PRDM1: variants seen among roughly 807,000 people sequenced by gnomAD.
PRDM1 encodes the protein PR/SET domain 1.
PRDM1 carries 13 observed loss-of-function variants against 62.8 expected under a neutral mutation model. The ratio of observed to expected loss-of-function variants is 0.21; its 90% CI spans 0.13 to 0.33. The LOEUF (loss-of-function observed/expected upper bound fraction) is 0.33. PRDM1 is among the 10% of genes least tolerant of loss of function. PRDM1 has a pLI of 1.00. For missense variants in PRDM1, 895 were observed against 1,058.8 expected (o/e 0.85, Z 2.15); for synonymous variants, 396 against 417.6 (o/e 0.95, Z 0.63).
chr6:106,031,590 G>A (rs1772845195), intron 1 of PRDM1, among the ~76,000 whole-genome samples: 1 of 152,208 alleles, frequency 6.6e-6, no homozygotes, highest in Non-Finnish European at 1.5e-5. Context: ...GAGGATGAAA[G>A]TTTGAAATTG....
intron 2 of PRDM1, among the ~76,000 whole-genome samples, chr6:106,091,083 T>C (rs1261191411): frequency 6.6e-6 from 1 of 152,092 alleles, no homozygotes; most frequent in Non-Finnish European, 1.5e-5. Flanking sequence ...TTTATGGGGG[T>C]TTTCCCCTTG....
intron 1 of PRDM1, among the ~76,000 whole-genome samples, chr6:106,000,960 G>A (rs1455532774): frequency 6.6e-6 from 1 of 152,122 alleles, no homozygotes; most frequent in Non-Finnish European, 1.5e-5. Context: ...TCACTAAATT[G>A]ATTTTCAGAG....
chr6:106,106,042 G>A lies in PRDM1; in HGVS notation c.1773+109G>A, dbSNP rs1471353619. The stretch of plus-strand genomic sequence containing the variant: ...TGCATTTGCAGTAGTATGAGCCCCC[G>A]GTTGGGGATAGTGGGTATGGATTCC... On this transcript the variant is annotated intron_variant, in intron 5 of 6. Coordinates refer to ENST00000369096, the MANE Select transcript of PRDM1 (RefSeq NM_001198.4). This position sits in a 1 kb window ranked among gnomAD's most constrained non-coding sequence, Gnocchi z 4.4. The A allele has an allele frequency of 5.5e-6, 8 of 1,454,722 alleles. No homozygotes were observed. Among genetic ancestry groups the A allele is most frequent in the Non-Finnish European group, 7.3e-6 (8 of 1,093,606 alleles). The allele number at this position is 1,454,722 out of a possible 1,614,324, so 90.1% of individuals were successfully genotyped here.
chr6:106,108,796 G>A lies in PRDM1; in HGVS notation c.*1310G>A, dbSNP rs752286536. ...ATGGAAGATGAAAGGGCATTGCAAA[G>A]TTGTTCAACAACAGTTACCTCATTG... On this transcript the variant is annotated 3_prime_UTR_variant, in exon 7 of 7. Coordinates refer to ENST00000369096, the MANE Select transcript of PRDM1 (RefSeq NM_001198.4). 219 of 232,968 alleles carry A rather than the reference G, an allele frequency of 9.4e-4. 3 individuals carry two copies. The highest frequency in any genetic ancestry group is 1.7e-4 in the Non-Finnish European group (20 of 117,724). 14.4% of individuals were successfully genotyped at this position (232,968 alleles called of 1,614,324 possible). A position where few individuals can be genotyped will look rare whatever the true frequency, so the allele number is the denominator to read the frequency against.
chr6:106,029,162 G>A lies in PRDM1; in HGVS notation c.-67+35523G>A, dbSNP rs1013245524. Among the ~76,000 whole-genome samples, 6 of 152,036 alleles carry A rather than the reference G, an allele frequency of 3.9e-5. No individual in the cohort carries two copies. The East Asian group carries it at 5.8e-4, about 15-fold the overall frequency. The stretch of plus-strand genomic sequence containing the variant: ...TCTCAATCTCTTGACCTTGTGATCC[G>A]CCTGCCTTGGCCTCCCAAAGTGCTG... On this transcript the variant is annotated intron_variant, in intron 1 of 6. Coordinates refer to the PRDM1 transcript ENST00000652320.
intron 1 of PRDM1, among the ~76,000 whole-genome samples, chr6:105,998,344 G>A (rs1227991462): frequency 6.6e-6 from 1 of 152,082 alleles, no homozygotes; most frequent in South Asian, 2.1e-4. Flanking sequence ...TTGAGCCTAG[G>A]AGTTCAAAGC....
intron 1 of PRDM1, among the ~76,000 whole-genome samples, chr6:106,007,608 AT>A: frequency 6.6e-6 from 1 of 152,112 alleles, no homozygotes; most frequent in Non-Finnish European, 1.5e-5. Context: ...GGTACTTTTA[AT>A]TTTTTTAATT....
At chr6:106,083,082 AGCCTGGCTTT>A, upstream of PRDM1, among the ~76,000 whole-genome samples, 1 of 152,174 alleles carries the variant, frequency 6.6e-6, no homozygotes, top group Non-Finnish European at 1.5e-5. Context: ...TCTAGTTCTC[AGCCTGGCTTT>A]GAGACATGTG....
intron 1 of PRDM1, among the ~76,000 whole-genome samples, chr6:106,019,566 T>G (rs1030691961): frequency 2.0e-5 from 3 of 151,630 alleles, no homozygotes; most frequent in Admixed American, 6.6e-5. Context: ...TTTTCTATAT[T>G]GGATATCAAC....
upstream of PRDM1, among the ~76,000 whole-genome samples, chr6:106,084,452 T>C (rs1316176221): frequency 3.3e-5 from 5 of 152,236 alleles, no homozygotes; most frequent in Admixed American, 3.3e-4. Context: ...AATATTTGGC[T>C]TAAAATAGCC....
At chr6:106,102,841 C>G (rs538208015) in intron 4 of PRDM1, among the ~76,000 whole-genome samples, 1 of 152,190 alleles carries the variant, frequency 6.6e-6, no homozygotes, top group East Asian at 1.9e-4. Context: ...CGAGCGGCAT[C>G]GTTTTTAAAA....
chr6:106,062,201 T>C (rs1773355287), intron 1 of PRDM1, among the ~76,000 whole-genome samples: 1 of 152,244 alleles, frequency 6.6e-6, no homozygotes, highest in Admixed American at 6.5e-5. Context: ...TGGAACTGCC[T>C]ATAGAATCTT....
chr6:106,066,453 AAGG>A (rs1331408078), intron 1 of PRDM1, among the ~76,000 whole-genome samples: 2 of 152,170 alleles, frequency 1.3e-5, no homozygotes, highest in Non-Finnish European at 2.9e-5. Context: ...CAGTTTTGTG[AAGG>A]AGAATTTTCT....
chr6:106,051,176 A>G (rs1773167716), intron 1 of PRDM1, among the ~76,000 whole-genome samples: 1 of 152,272 alleles, frequency 6.6e-6, no homozygotes, highest in African/African-American at 2.4e-5. Context: ...AAGAAGGATC[A>G]CAAAGCCAGT....
intron 1 of PRDM1, among the ~76,000 whole-genome samples, chr6:105,996,680 C>T (rs541299891): frequency 1.3e-5 from 2 of 152,284 alleles, no homozygotes; most frequent in East Asian, 3.9e-4. Context: ...TTTAGTGGAT[C>T]TTTATGGCTA....
chr6:106,035,121 A>G (rs139216947), intron 1 of PRDM1, among the ~76,000 whole-genome samples: 53 of 152,210 alleles, frequency 3.5e-4, no homozygotes, highest in Middle Eastern at 3.4e-3. Flanking sequence ...TCTATTCTTT[A>G]TTGAGAGTGA....
At chr6:106,064,142 A>C (rs1318779796) in intron 1 of PRDM1, among the ~76,000 whole-genome samples, 7 of 152,242 alleles carry the variant, frequency 4.6e-5, no homozygotes, top group Admixed American at 4.6e-4. Flanking sequence ...AGGATTAAAC[A>C]GTAGTTGTCT....
At chr6:106,008,512 A>G (rs938027723) in intron 1 of PRDM1, among the ~76,000 whole-genome samples, 40 of 152,160 alleles carry the variant, frequency 2.6e-4, no homozygotes, top group African/African-American at 8.7e-4. Context: ...CTCTTTTGCC[A>G]CAAGTGTCTC....
intron 4 of PRDM1, 197 bp downstream of exon 4, chr6:106,099,749 A>AT (rs1441451762): frequency 1.7e-6 from 1 of 591,620 alleles, no homozygotes; most frequent in Non-Finnish European, 2.8e-6. Flanking sequence ...ATTTAAAAGT[A>AT]TATATATATA....
Sources: gnomAD v4.1 joint callset for allele counts (sites outside exome capture counted in the v4.1 genomes callset) on GRCh38, gnomAD v4.1.1 for gene constraint, Gnocchi (gnomAD v3.1) non-coding constraint, MANE v1.5 for transcripts, NCBI Gene and HGNC (gene_info 2026-07-23, HGNC 2026-07-21) for gene names.